NBEAL1: variants seen among roughly 807,000 people sequenced by gnomAD.
NBEAL1 encodes the protein neurobeachin like 1.
Under a neutral mutation model 351.3 loss-of-function variants are expected in NBEAL1, and 273 were observed. That is an observed-to-expected ratio of 0.78 (90% CI 0.70 to 0.86). The LOEUF (loss-of-function observed/expected upper bound fraction) is 0.86. Among genes scored for constraint, NBEAL1 ranks in the 40% least tolerant of loss-of-function variants. NBEAL1 has a pLI of 0.00. For synonymous variants in NBEAL1, 1,050 were observed against 1,086.4 expected, an observed-to-expected ratio of 0.97 and a Z score of 0.66; for missense variants, 2,961 against 3,201.3, an observed-to-expected ratio of 0.92 and a Z score of 1.81.
chr2:203,108,362 G>A (rs1293338803), intron 14 of NBEAL1, among the ~76,000 whole-genome samples, 174 bp downstream of exon 14: 6 of 151,186 alleles, frequency 4.0e-5, no homozygotes, highest in African/African-American at 1.2e-4. Context: ...TGCTTTCATA[G>A]TAATAGCTGT....
At position 203,166,345 on chromosome 2, in the gene NBEAL1, T is replaced by C. The variant is rs778729207; in HGVS notation, c.5863+48T>C. 6.0e-6 allele frequency: 9 copies of C among 1,499,884 alleles called. No individual in the cohort carries two copies. In the Admixed American group the frequency reaches 1.9e-4, roughly 32 times the overall value. 92.9% of individuals were successfully genotyped at this position (1,499,884 alleles called of 1,614,324 possible). On this transcript the variant is annotated intron_variant, in intron 37 of 55. Coordinates refer to ENST00000683969, the MANE Select transcript of NBEAL1 (RefSeq NM_001378026.1). ...ATTTTTGCTGTTCAATAATTAAGTA[T>C]CTAATTTATCAATCATGAATGAGAA...
Position 203,039,940 on chromosome 2 carries a change from T to A in NBEAL1, c.52-1825T>A, listed in dbSNP as rs77933418. ...AATAAACTGATAAGTAAATTATAGA[T>A]GAAAGGTGATAAAGGACCATGGTGG... is the stretch of plus-strand genomic sequence containing the variant. On this transcript the variant is annotated intron_variant, in intron 2 of 55. Coordinates refer to ENST00000683969, the MANE Select transcript of NBEAL1 (RefSeq NM_001378026.1). Among the ~76,000 whole-genome samples, 1,083 of 152,166 alleles carry A rather than the reference T, an allele frequency of 7.1e-3. 9 individuals are homozygous for A. The highest frequency in any genetic ancestry group is 0.025 in the African/African-American group (1,024 of 41,506).
At chr2:203,157,579 TTATAA>T (rs2063829295) in intron 35 of NBEAL1, 115 bp from the exon 36 acceptor site, 14 of 630,824 alleles carry the variant, frequency 2.2e-5, no homozygotes, top group Non-Finnish European at 2.8e-5. Context: ...CCGTCTTTAC[TTATAA>T]TATACATATT....
chr2:203,151,453 G>T lies in NBEAL1; in HGVS notation c.5463-12G>T, dbSNP rs2063649523. 1.9e-6 allele frequency: 3 copies of T among 1,561,630 alleles called. No individual in the cohort carries two copies. The highest frequency in any genetic ancestry group is 2.4e-5 in the South Asian group (2 of 83,068). ...TAAATAATTTTACTTATTTGCTTAT[G>T]AATATTCTTAGGAAACAGAATCCAA... On this transcript the variant is annotated splice_polypyrimidine_tract_variant and intron_variant, in intron 34 of 55. Coordinates refer to ENST00000683969, the MANE Select transcript of NBEAL1 (RefSeq NM_001378026.1).
chr2:203,213,695 G>A (rs766215211), intron 55 of NBEAL1, 42 bp downstream of exon 55: 28 of 1,609,072 alleles, frequency 1.7e-5, no homozygotes, highest in Non-Finnish European at 2.0e-5. Context: ...ATGCTGTTGG[G>A]GATTACTTTG....
intron 2 of NBEAL1, among the ~76,000 whole-genome samples, chr2:203,037,596 G>T (rs2061060272): frequency 6.7e-6 from 1 of 148,870 alleles, no homozygotes; most frequent in Admixed American, 6.8e-5. Flanking sequence ...AGTTCCCTCT[G>T]TGCCCCTTTG....
intron 36 of NBEAL1, among the ~76,000 whole-genome samples, chr2:203,164,388 A>G (rs2064065442): frequency 6.6e-6 from 1 of 151,934 alleles, no homozygotes; most frequent in South Asian, 2.1e-4. Flanking sequence ...AGGGGCAGTT[A>G]TATAGGGAAC....
chr2:203,134,196 G>A (rs143266263), intron 27 of NBEAL1, among the ~76,000 whole-genome samples: 55 of 152,222 alleles, frequency 3.6e-4, no homozygotes, highest in African/African-American at 1.3e-3. Flanking sequence ...TGAGTATTTG[G>A]AGCAGGTCAT....
chr2:203,172,109 T>A, intron 40 of NBEAL1, 86 bp downstream of exon 40: 2 of 609,282 alleles, frequency 3.3e-6, no homozygotes, highest in Non-Finnish European at 5.1e-6. Context: ...TTATTTTTTA[T>A]TTAAAAAATA....
chr2:203,184,835 GAGGATCACTTGAGCCC>G (rs1289377270), intron 44 of NBEAL1, among the ~76,000 whole-genome samples: 4 of 151,528 alleles, frequency 2.6e-5, no homozygotes, highest in Non-Finnish European at 2.9e-5. Context: ...GCTGAAGTGA[GAGGATCACTTGAGCCC>G]AGGAGTTTGA....
chr2:203,176,503 T>C (rs940641114), intron 42 of NBEAL1, among the ~76,000 whole-genome samples: 1 of 151,884 alleles, frequency 6.6e-6, no homozygotes, highest in Non-Finnish European at 1.5e-5. Context: ...GGTGGGTGGA[T>C]CACCTGAGGT....
chr2:203,025,882 T>C (rs1236492957), intron 2 of NBEAL1, among the ~76,000 whole-genome samples: 1 of 148,506 alleles, frequency 6.7e-6, no homozygotes, highest in African/African-American at 2.5e-5. Flanking sequence ...TTGGAGGTTC[T>C]TTTTTTTTTA....
rs755162945 is a variant in NBEAL1 at position 203,138,680 on chromosome 2, G to A, written c.4780G>A (p.Val1594Ile). Reference sequence around the variant, plus strand: ...GTCAGTCTGCTATTCTGAAAGTCCAGTATGGGTAAAACTCTCTCAAATTCA... The same window carrying A: ...GTCAGTCTGCTATTCTGAAAGTCCAATATGGGTAAAACTCTCTCAAATTCA... ...CLSVCYSESPVWVKLSQIQIQ... is the reference protein window; with the variant it reads ...CLSVCYSESPIWVKLSQIQIQ... The change falls in exon 31 of 56, where the codon GTA (valine) becomes ATA (isoleucine). Residue 1594 changes from valine to isoleucine, a missense_variant. Val to Ile is a conservative substitution (Grantham distance 29). Transcript: ENST00000683969. 27 of 1,613,234 alleles carry A rather than the reference G, an allele frequency of 1.7e-5. No individual in the cohort carries two copies. Among genetic ancestry groups the A allele is most frequent in the Non-Finnish European group, 2.2e-5 (26 of 1,179,712 alleles).
Position 203,135,667 on chromosome 2 carries a change from C to A in NBEAL1, c.3814-10C>A. ...TTTTGAAGAATTTTGTATTCTAAAT[C>A]TTTTTACAGGTTTTGCAAATTTTGC... On this transcript the variant is annotated splice_polypyrimidine_tract_variant and intron_variant, in intron 27 of 55. Coordinates refer to ENST00000683969, the MANE Select transcript of NBEAL1 (RefSeq NM_001378026.1). 1 of 1,466,738 alleles carries A rather than the reference C, an allele frequency of 6.8e-7. No individual in the cohort carries two copies. Among genetic ancestry groups the A allele is most frequent in the Non-Finnish European group, 9.0e-7 (1 of 1,106,526 alleles). 90.9% of individuals were successfully genotyped at this position (1,466,738 alleles called of 1,614,324 possible). A position where few individuals can be genotyped will look rare whatever the true frequency, so the allele number is the denominator to read the frequency against.
intron 2 of NBEAL1, among the ~76,000 whole-genome samples, chr2:203,028,093 A>C (rs1487167126): frequency 6.6e-6 from 1 of 152,054 alleles, no homozygotes; most frequent in Non-Finnish European, 1.5e-5. Flanking sequence ...CATGTTGGCC[A>C]GGAAGGTCTT....
At chr2:203,022,119 T>C (rs2060782796) in intron 2 of NBEAL1, among the ~76,000 whole-genome samples, 1 of 152,052 alleles carries the variant, frequency 6.6e-6, no homozygotes, top group Non-Finnish European at 1.5e-5. Context: ...CTGCAACCCT[T>C]GGACAGACTT....
intron 42 of NBEAL1, among the ~76,000 whole-genome samples, chr2:203,179,859 T>G (rs1356011059): frequency 6.6e-6 from 1 of 152,128 alleles, no homozygotes; most frequent in Non-Finnish European, 1.5e-5. Context: ...CAGGAATCTC[T>G]GCCTCCCGGG....
In NBEAL1 at chr2:203,199,437, A is replaced by G. The variant is rs751138533; in HGVS notation, c.7228A>G (p.Thr2410Ala). 9 of 1,571,818 alleles carry G rather than the reference A, an allele frequency of 5.7e-6. No homozygotes were observed. In the African/African-American group the frequency reaches 1.1e-4, roughly 19 times the overall value. ...YFTFIKDQTV[T>A]NPKTQRSING... ...TACATTCATCAAGGATCAAACTGTG[A>G]CAAATCCAAAGTAAGTAAATGAATA... Residue 2410 changes from threonine (T) to alanine (A), a missense_variant, in exon 49 of 56, where the codon ACA becomes GCA. Transcript: ENST00000683969.
chr2:203,028,017 G>C (rs1380211687), intron 2 of NBEAL1, among the ~76,000 whole-genome samples: 5 of 152,014 alleles, frequency 3.3e-5, no homozygotes, highest in Non-Finnish European at 7.4e-5. Context: ...CCGAGTAGGT[G>C]GGACTACAGG....
Sources: allele counts gnomAD v4.1 joint callset (sites outside exome capture counted in the v4.1 genomes callset), GRCh38; gene constraint gnomAD v4.1.1; transcripts MANE v1.5; gene names NCBI Gene and HGNC (gene_info 2026-07-23, HGNC 2026-07-21).